Variants in ARHGAP26 observed in about 807,000 individuals in gnomAD.
ARHGAP26 encodes Rho GTPase activating protein 26, also known as rho GTPase-activating protein 26.
In ARHGAP26, 38 loss-of-function variants were observed where a neutral mutation model predicts 104.8. That is an observed-to-expected ratio of 0.36 (90% CI 0.28 to 0.48). The LOEUF (loss-of-function observed/expected upper bound fraction) is 0.48. ARHGAP26 is among the 20% of genes least tolerant of loss of function. The pLI, the probability that ARHGAP26 is intolerant of heterozygous loss-of-function variation, is 0.99. For missense variants in ARHGAP26, 704 were observed against 947.9 expected (o/e 0.74, Z 3.38); for synonymous variants, 341 against 340.0 (o/e 1.00, Z -0.03).
At chr5:142,797,993 T>C (rs1230476757) in intron 1 of ARHGAP26, among the ~76,000 whole-genome samples, 1 of 152,232 alleles carries the variant, frequency 6.6e-6, no homozygotes, top group African/African-American at 2.4e-5. Flanking sequence ...TTTTCCGCTA[T>C]GTCCCAGCCT....
chr5:143,067,165 C>T (rs572356622), intron 17 of ARHGAP26, among the ~76,000 whole-genome samples: 1 of 152,240 alleles, frequency 6.6e-6, no homozygotes, highest in East Asian at 1.9e-4. Flanking sequence ...GAAGACTCAT[C>T]TTTGTCTGCG....
intron 12 of ARHGAP26, among the ~76,000 whole-genome samples, chr5:143,014,849 A>G (rs150441267): frequency 7.2e-4 from 109 of 152,350 alleles, no homozygotes; most frequent in African/African-American, 2.5e-3. Context: ...GCAAGAGTAC[A>G]AAGGAAATCC....
At chr5:142,857,447 A>G (rs1752547799) in intron 1 of ARHGAP26, among the ~76,000 whole-genome samples, 1 of 152,102 alleles carries the variant, frequency 6.6e-6, no homozygotes, top group Non-Finnish European at 1.5e-5. Context: ...TCCTGGGTAC[A>G]AGGTTCTTCT....
intron 17 of ARHGAP26, among the ~76,000 whole-genome samples, chr5:143,113,765 G>A (rs1795060004): frequency 6.6e-6 from 1 of 152,222 alleles, no homozygotes; most frequent in African/African-American, 2.4e-5. Context: ...CCAATTTAGT[G>A]ATTTGTGAAG....
intron 20 of ARHGAP26, among the ~76,000 whole-genome samples, chr5:143,177,987 CTTTTTTTTTTTTTTTTTTTT>C (rs397705462): frequency 3.4e-5 from 2 of 58,296 alleles, no homozygotes; most frequent in Non-Finnish European, 6.1e-5. Context: ...TGTGGCAGTC[CTTTTTTTTTTTTTTTTTTTT>C]TTTTTTTTTT....
intron 19 of ARHGAP26, among the ~76,000 whole-genome samples, chr5:143,143,552 T>C (rs1299730282): frequency 6.6e-6 from 1 of 152,212 alleles, no homozygotes; most frequent in South Asian, 2.1e-4. Context: ...CATCAGTACT[T>C]TGGTTTCAAG....
chr5:142,814,321 A>T (rs1294958384), intron 1 of ARHGAP26, among the ~76,000 whole-genome samples: 1 of 152,238 alleles, frequency 6.6e-6, no homozygotes, highest in Non-Finnish European at 1.5e-5. Flanking sequence ...GCGACTGCCT[A>T]CAAGAGAGGT....
chr5:142,912,616 A>G, intron 9 of ARHGAP26, among the ~76,000 whole-genome samples: 1 of 152,188 alleles, frequency 6.6e-6, no homozygotes, highest in South Asian at 2.1e-4. Flanking sequence ...CTTTTCTAGG[A>G]TCCAGTTGGG....
intron 20 of ARHGAP26, among the ~76,000 whole-genome samples, chr5:143,170,992 A>G (rs1217357482): frequency 1.3e-5 from 2 of 152,212 alleles, no homozygotes; most frequent in South Asian, 2.1e-4. Flanking sequence ...GTACCTAAAA[A>G]CAGAGGTCAG....
chr5:142,811,236 T>TA (rs1289770462), intron 1 of ARHGAP26, among the ~76,000 whole-genome samples: 3 of 152,078 alleles, frequency 2.0e-5, no homozygotes, highest in African/African-American at 7.2e-5. Context: ...CCTGATCATC[T>TA]ATAGGCACTG....
chr5:142,770,921 T>A lies in ARHGAP26; in HGVS notation c.154+6T>A, dbSNP rs754823571. ...ACTCATAAGCGCGCTCAAGAGTGAG[T>A]GTCCCGAGCCCCTCGGGGACGCGGC... On this transcript the variant is annotated splice_donor_region_variant and intron_variant, in intron 1 of 22. Coordinates refer to ENST00000645722, the MANE Select transcript of ARHGAP26 (RefSeq NM_001135608.3). 2.5e-6 allele frequency: 4 copies of A among 1,600,750 alleles called. No homozygotes were observed. The South Asian group carries it at 3.3e-5, about 13-fold the overall frequency.
At chr5:143,105,018 A>G (rs1383995019) in intron 17 of ARHGAP26, among the ~76,000 whole-genome samples, 2 of 151,970 alleles carry the variant, frequency 1.3e-5, no homozygotes, top group Non-Finnish European at 2.9e-5. Context: ...AAGAGAAAAC[A>G]TGTATCTTTT....
At chr5:142,865,398 A>C (rs1230189821) in intron 1 of ARHGAP26, among the ~76,000 whole-genome samples, 1 of 150,956 alleles carries the variant, frequency 6.6e-6, no homozygotes, top group Non-Finnish European at 1.5e-5. Context: ...GGAAATACAT[A>C]TGTATTTGTA....
At position 143,227,436 on chromosome 5, in the gene ARHGAP26, A is replaced by C. The variant is rs755232824; in HGVS notation, c.*4990A>C. ...ACCCACCCTGTGCTGGTGTCTAACAAATTTATCTTGTCATGCTCAAATGTG... is the reference window on the plus strand; with the variant it reads ...ACCCACCCTGTGCTGGTGTCTAACACATTTATCTTGTCATGCTCAAATGTG... On this transcript the variant is annotated 3_prime_UTR_variant, in exon 23 of 23. Transcript: ENST00000645722. The C allele has an allele frequency of 1.7e-5, 4 of 231,014 alleles. No individual in the cohort carries two copies. The highest frequency in any genetic ancestry group is 1.1e-4 in the Admixed American group (2 of 17,706). 14.3% of individuals were successfully genotyped at this position (231,014 alleles called of 1,614,324 possible).
At chr5:143,097,316 C>T (rs1333296385) in intron 17 of ARHGAP26, among the ~76,000 whole-genome samples, 1 of 138,516 alleles carries the variant, frequency 7.2e-6, no homozygotes, top group African/African-American at 2.8e-5. Context: ...CTGTACTCTG[C>T]ACTCCAGCCT....
At chr5:142,966,240 A>C (rs1771307296) in intron 11 of ARHGAP26, among the ~76,000 whole-genome samples, 1 of 152,216 alleles carries the variant, frequency 6.6e-6, no homozygotes, top group Admixed American at 6.5e-5. Context: ...ACACCTACAC[A>C]GACAGCTCTC....
At chr5:142,820,879 A>G (rs796899398) in intron 1 of ARHGAP26, among the ~76,000 whole-genome samples, 30 of 152,282 alleles carry the variant, frequency 2.0e-4, no homozygotes, top group African/African-American at 6.7e-4. Context: ...AGACAAGGAA[A>G]CTCAGACTTC....
chr5:143,180,491 C>T (rs1376825325), intron 20 of ARHGAP26, among the ~76,000 whole-genome samples: 1 of 152,158 alleles, frequency 6.6e-6, no homozygotes, highest in South Asian at 2.1e-4. Flanking sequence ...TGTGTTGGTG[C>T]ATTTTGTCAC....
chr5:143,077,532 C>T (rs1789214261), intron 17 of ARHGAP26, among the ~76,000 whole-genome samples: 1 of 152,136 alleles, frequency 6.6e-6, no homozygotes, highest in African/African-American at 2.4e-5. Flanking sequence ...CTAAAAAGGG[C>T]TCTACCACCT....
Sources: allele counts gnomAD v4.1 joint callset (sites outside exome capture counted in the v4.1 genomes callset), GRCh38; gene constraint gnomAD v4.1.1; transcripts MANE v1.5; gene names NCBI Gene and HGNC (gene_info 2026-07-23, HGNC 2026-07-21).